Variants in SLCO2A1 observed in about 807,000 individuals in gnomAD.
SLCO2A1 encodes the protein solute carrier organic anion transporter family member 2A1, also known as matrin F/G 1.
A neutral mutation model predicts 71.7 loss-of-function variants in SLCO2A1; 60 were observed. The ratio of observed to expected loss-of-function variants is 0.84; its 90% CI spans 0.68 to 1.04. The LOEUF (loss-of-function observed/expected upper bound fraction) is 1.04. SLCO2A1 is among the 50% of genes least tolerant of loss of function. The probability of loss-of-function intolerance (pLI) is 0.00; values close to 1 mark genes in which losing one functional copy is unlikely to be tolerated. For missense variants in SLCO2A1, 745 were observed against 813.4 expected (o/e 0.92, Z 1.02); for synonymous variants, 308 against 326.7 (o/e 0.94, Z 0.62).
intron 3 of SLCO2A1, among the ~76,000 whole-genome samples, chr3:133,963,745 A>T (rs756900027): frequency 1.3e-5 from 2 of 152,242 alleles, no homozygotes; most frequent in Non-Finnish European, 2.9e-5. Flanking sequence ...ATCTGGAATC[A>T]TGGCCAAGGT....
intron 1 of SLCO2A1, among the ~76,000 whole-genome samples, chr3:133,991,920 T>C (rs1267455278): frequency 1.3e-5 from 2 of 152,226 alleles, no homozygotes; most frequent in African/African-American, 4.8e-5. Context: ...GAACAGCTTC[T>C]GGGAGGACTG....
At position 133,932,900 on chromosome 3, in the gene SLCO2A1, A is replaced by T. The variant is rs1242388878; in HGVS notation, c.*1813T>A. 1 of 152,608 alleles carries T rather than the reference A, an allele frequency of 6.6e-6. No individual in the cohort carries two copies. The highest frequency in any genetic ancestry group is 1.5e-5 in the Non-Finnish European group (1 of 68,044). 9.5% of individuals were successfully genotyped at this position (152,608 alleles called of 1,614,324 possible). A position where few individuals can be genotyped will look rare whatever the true frequency, so the allele number is the denominator to read the frequency against. ...ATCATTTTCCAAGCAGAACCATTTC[A>T]AATGCTAAAACTGGCCCCTGAGGTT... On this transcript the variant is annotated 3_prime_UTR_variant, in exon 14 of 14. Transcript: ENST00000310926.
intron 6 of SLCO2A1, among the ~76,000 whole-genome samples, chr3:133,950,253 A>C (rs1420135883): frequency 2.0e-5 from 3 of 152,142 alleles, no homozygotes; most frequent in African/African-American, 7.2e-5. Context: ...CCCCAAGACA[A>C]GCTGAGGTCC....
chr3:133,995,507 G>A (rs984432078), intron 1 of SLCO2A1, among the ~76,000 whole-genome samples: 1 of 152,200 alleles, frequency 6.6e-6, no homozygotes, highest in African/African-American at 2.4e-5. Context: ...CTTTGTGGGT[G>A]GGGGCCATCC....
intron 1 of SLCO2A1, among the ~76,000 whole-genome samples, chr3:133,996,586 T>C (rs1361264754): frequency 6.6e-6 from 1 of 152,206 alleles, no homozygotes; most frequent in Non-Finnish European, 1.5e-5. Flanking sequence ...AACAGCCTGC[T>C]GCTGACAGAC....
intron 1 of SLCO2A1, among the ~76,000 whole-genome samples, chr3:134,020,959 G>A (rs538878188): frequency 6.6e-6 from 1 of 152,032 alleles, no homozygotes; most frequent in South Asian, 2.1e-4. Context: ...GACAGGATTG[G>A]TCTTGGGAAC....
chr3:134,014,279 G>C (rs181126305), intron 1 of SLCO2A1, among the ~76,000 whole-genome samples: 1 of 152,148 alleles, frequency 6.6e-6, no homozygotes, highest in African/African-American at 2.4e-5. Flanking sequence ...TTACTGCTCT[G>C]GCTGTGCCTG....
At chr3:133,935,934 C>T (rs370683397) in intron 12 of SLCO2A1, 37 bp from the exon 13 acceptor site, 3 of 1,533,322 alleles carry the variant, frequency 2.0e-6, no homozygotes, top group Non-Finnish European at 2.6e-6. Context: ...TCAGGTGGAA[C>T]TGCAGGCAGA....
chr3:134,005,638 C>T (rs1280225233), intron 1 of SLCO2A1, among the ~76,000 whole-genome samples: 4 of 151,928 alleles, frequency 2.6e-5, no homozygotes, highest in East Asian at 1.9e-4. Context: ...CCTGCCACCA[C>T]GCCCGGCTAA....
Position 133,996,073 on chromosome 3 carries a change from T to C in SLCO2A1, c.97-16455A>G, listed in dbSNP as rs376533268. 1.6e-4 allele frequency among the ~76,000 whole-genome samples: 25 copies of C among 152,306 alleles called. 2 individuals are homozygous for C. The highest frequency in any genetic ancestry group is 3.9e-4 in the Admixed American group (6 of 15,306). On this transcript the variant is annotated intron_variant, in intron 1 of 13. Transcript: ENST00000310926. Reference sequence around the variant, plus strand: ...GGTTTTTCTGTAGCAGGCAAGAGACTGGAGACTCACTCCTCTTTGCAGTGA... The same window carrying C: ...GGTTTTTCTGTAGCAGGCAAGAGACCGGAGACTCACTCCTCTTTGCAGTGA...
At chr3:133,992,419 A>C (rs1451436945) in intron 1 of SLCO2A1, among the ~76,000 whole-genome samples, 1 of 152,206 alleles carries the variant, frequency 6.6e-6, no homozygotes, top group African/African-American at 2.4e-5. Context: ...CAGTCATCCT[A>C]AAAAGCTTTG....
chr3:133,966,444 G>A (rs1934170973), intron 3 of SLCO2A1, among the ~76,000 whole-genome samples: 1 of 152,126 alleles, frequency 6.6e-6, no homozygotes, highest in Non-Finnish European at 1.5e-5. Flanking sequence ...GATGAGAGGG[G>A]AGTATGGAGT....
chr3:133,960,794 C>G (rs991697471), intron 3 of SLCO2A1, among the ~76,000 whole-genome samples: 1 of 152,070 alleles, frequency 6.6e-6, no homozygotes, highest in African/African-American at 2.4e-5. Flanking sequence ...ATGAGAGAGG[C>G]AGCAGACCCA....
At chr3:133,951,414 T>C (rs1235059372) in intron 5 of SLCO2A1, 70 bp from the exon 6 acceptor site, 1 of 1,570,498 alleles carries the variant, frequency 6.4e-7, no homozygotes, top group Non-Finnish European at 8.7e-7. Flanking sequence ...ACAGAACCTC[T>C]GATCAGGGGG....
At chr3:133,946,811 G>A (rs753862899) in intron 9 of SLCO2A1, among the ~76,000 whole-genome samples, 1 of 152,094 alleles carries the variant, frequency 6.6e-6, no homozygotes. Flanking sequence ...AAGTTGCCAC[G>A]TGAGAGATCA....
Position 133,947,236 on chromosome 3 carries a change from C to T in SLCO2A1, c.1295+20G>A. Reference sequence around the variant, plus strand: ...CCTGGCCTTATTAAAGGGGATCTCTCTACCCCTTATTCCCATTACCTAGGG... The same window carrying T: ...CCTGGCCTTATTAAAGGGGATCTCTTTACCCCTTATTCCCATTACCTAGGG... On this transcript the variant is annotated intron_variant, in intron 9 of 13. Coordinates refer to ENST00000310926, the MANE Select transcript of SLCO2A1 (RefSeq NM_005630.3). 2 of 1,605,692 alleles carry T rather than the reference C, an allele frequency of 1.2e-6. No individual in the cohort carries two copies. Among genetic ancestry groups the T allele is most frequent in the Admixed American group, 3.3e-5 (2 of 59,884 alleles).
chr3:133,967,837 CA>C, intron 3 of SLCO2A1, among the ~76,000 whole-genome samples: 1 of 109,246 alleles, frequency 9.2e-6, no homozygotes, highest in East Asian at 2.7e-4. Context: ...ACCCCCCACA[CA>C]TGAACACACG....
chr3:133,955,263 G>C, intron 3 of SLCO2A1, 70 bp from the exon 4 acceptor site: 1 of 1,397,832 alleles, frequency 7.2e-7, no homozygotes. Context: ...CTCCAAACCC[G>C]GCCTTTCTCC....
chr3:133,967,567 C>T (rs571616200), intron 3 of SLCO2A1, among the ~76,000 whole-genome samples: 11 of 152,292 alleles, frequency 7.2e-5, no homozygotes, highest in South Asian at 4.1e-4. Flanking sequence ...TCTGCTCATC[C>T]GTTCAGGGCT....
Sources: gnomAD v4.1 joint callset for allele counts (sites outside exome capture counted in the v4.1 genomes callset) on GRCh38, gnomAD v4.1.1 for gene constraint, MANE v1.5 for transcripts, NCBI Gene and HGNC (gene_info 2026-07-23, HGNC 2026-07-21) for gene names.